COL5A2: variants seen among roughly 807,000 people sequenced by gnomAD.
COL5A2 encodes the protein collagen alpha-2(V) chain.
A neutral mutation model predicts 208.2 loss-of-function variants in COL5A2; 23 were observed. That is an observed-to-expected ratio of 0.11 (90% CI 0.08 to 0.16). The LOEUF is 0.16. Ranked by LOEUF, COL5A2 falls within the 10% of genes least tolerant of loss-of-function variation. The pLI is 1.00. For synonymous variants in COL5A2, 625 were observed against 628.5 expected (o/e 0.99, Z 0.08); for missense variants, 1,590 against 1,956.4 (o/e 0.81, Z 3.53).
At chr2:189,184,886 G>T (rs1430433027) in intron 1 of COL5A2, among the ~76,000 whole-genome samples, 1 of 152,138 alleles carries the variant, frequency 6.6e-6, no homozygotes, top group Non-Finnish European at 1.5e-5. Flanking sequence ...AGCCATTATG[G>T]CTAGCATGAT....
intron 29 of COL5A2, among the ~76,000 whole-genome samples, chr2:189,062,519 A>AGGT (rs1216087955): frequency 6.6e-6 from 1 of 152,098 alleles, no homozygotes; most frequent in Non-Finnish European, 1.5e-5. Context: ...TATTGAGAGA[A>AGGT]GGTAAATAAT....
Position 189,058,833 on chromosome 2 carries a change from A to C in COL5A2, c.2130+16T>G, listed in dbSNP as rs1288780458. ...CAGTGGGAAACAACATTAATCATGAAGATTAAAATACTTACTCTAGGTCCT... is the reference window on the plus strand; with the variant it reads ...CAGTGGGAAACAACATTAATCATGACGATTAAAATACTTACTCTAGGTCCT... On this transcript the variant is annotated intron_variant, in intron 32 of 53. Transcript: ENST00000374866. 2.5e-6 allele frequency: 4 copies of C among 1,608,486 alleles called. No individual in the cohort carries two copies. The Admixed American group carries it at 6.7e-5, about 27-fold the overall frequency.
At chr2:189,148,375 T>A in intron 1 of COL5A2, among the ~76,000 whole-genome samples, 1 of 150,498 alleles carries the variant, frequency 6.6e-6, no homozygotes, top group Non-Finnish European at 1.5e-5. Context: ...CACATAGAGG[T>A]GGAAAGAATC....
At chr2:189,174,435 A>C (rs1688638812) in intron 1 of COL5A2, among the ~76,000 whole-genome samples, 2 of 152,216 alleles carry the variant, frequency 1.3e-5, no homozygotes, top group South Asian at 4.1e-4. Flanking sequence ...TACAAACTTC[A>C]ACTAAGCAGC....
chr2:189,279,277 T>G, the COL5A2 span, among the ~76,000 whole-genome samples: 1 of 151,750 alleles, frequency 6.6e-6, no homozygotes, highest in Admixed American at 6.6e-5. Context: ...ATAAAAGGAA[T>G]GGCAATAATT....
At chr2:189,194,141 T>C (rs551993588) in intron 1 of COL5A2, among the ~76,000 whole-genome samples, 24 of 152,306 alleles carry the variant, frequency 1.6e-4, no homozygotes, top group South Asian at 1.2e-3. Context: ...AAAAAGTTAT[T>C]TGGGGTCCTC....
the COL5A2 span, among the ~76,000 whole-genome samples, chr2:189,316,698 T>C: frequency 2.0e-5 from 3 of 151,734 alleles, no homozygotes; most frequent in Admixed American, 1.3e-4. Context: ...ATGACACAAG[T>C]TCACCTGTAT....
At chr2:189,154,004 A>G (rs1688196567) in intron 1 of COL5A2, among the ~76,000 whole-genome samples, 1 of 152,150 alleles carries the variant, frequency 6.6e-6, no homozygotes, top group East Asian at 1.9e-4. Context: ...TACTGACTGC[A>G]AACTCTGGCA....
the COL5A2 span, among the ~76,000 whole-genome samples, chr2:189,259,896 G>A: frequency 6.6e-6 from 1 of 152,108 alleles, no homozygotes; most frequent in Non-Finnish European, 1.5e-5. Flanking sequence ...ATATACAAGG[G>A]CCACAAGACC....
Position 189,189,792 on chromosome 2 carries a change from C to A in COL5A2, c.-42+35356G>T, listed in dbSNP as rs573138900. Reference sequence around the variant, plus strand: ...AAATACGCATTAAGAAAATCTCTGACCACAGCAATTGAAGTCTTAATTATA... The same window carrying A: ...AAATACGCATTAAGAAAATCTCTGAACACAGCAATTGAAGTCTTAATTATA... On this transcript the variant is annotated intron_variant, in intron 1 of 10. Coordinates refer to the COL5A2 transcript ENST00000649966. Among the ~76,000 whole-genome samples, 12 of 152,196 alleles carry A rather than the reference C, an allele frequency of 7.9e-5. No homozygotes were observed. In the South Asian group the frequency reaches 2.1e-3, roughly 26 times the overall value.
chr2:189,186,519 G>A (rs957735672), intron 1 of COL5A2, among the ~76,000 whole-genome samples: 1 of 151,892 alleles, frequency 6.6e-6, no homozygotes, highest in African/African-American at 2.4e-5. Context: ...CGTATTCTAC[G>A]GATGAGGAAG....
chr2:189,410,187 T>G, the COL5A2 span, among the ~76,000 whole-genome samples: 5 of 152,226 alleles, frequency 3.3e-5, no homozygotes, highest in Admixed American at 2.6e-4. Flanking sequence ...ATATACACTT[T>G]GAAATCTGTT....
intron 16 of COL5A2, among the ~76,000 whole-genome samples, chr2:189,076,539 T>G (rs1686408755): frequency 2.0e-5 from 3 of 152,188 alleles, no homozygotes; most frequent in Admixed American, 2.0e-4. Flanking sequence ...AGAAAGACAC[T>G]AAAAGGCTGA....
chr2:189,199,870 T>C (rs1689049770), intron 1 of COL5A2, among the ~76,000 whole-genome samples: 1 of 152,246 alleles, frequency 6.6e-6, no homozygotes, highest in East Asian at 1.9e-4. Context: ...TACATCACTA[T>C]ATCCTACAAG....
chr2:189,106,797 C>G (rs968397688), intron 2 of COL5A2, among the ~76,000 whole-genome samples: 1 of 151,268 alleles, frequency 6.6e-6, no homozygotes, highest in African/African-American at 2.4e-5. Flanking sequence ...AAAGTATTTA[C>G]TGATCATTGT....
chr2:189,356,103 A>C, the COL5A2 span, among the ~76,000 whole-genome samples: 11 of 151,998 alleles, frequency 7.2e-5, no homozygotes, highest in African/African-American at 2.7e-4. Flanking sequence ...ACTGATCCCC[A>C]CTCTCTTCTG....
the COL5A2 span, among the ~76,000 whole-genome samples, chr2:189,420,830 T>G: frequency 1.3e-5 from 2 of 152,140 alleles, no homozygotes; most frequent in Non-Finnish European, 2.9e-5. Flanking sequence ...AAATCTCTTG[T>G]CCTCGCCACC....
At position 189,054,168 on chromosome 2, in the gene COL5A2, A is replaced by C; in HGVS notation, c.2436T>G (p.Thr812=). The change falls in exon 36 of 54, where the codon ACT becomes ACG. Residue 812 remains threonine, a synonymous_variant. Coordinates refer to ENST00000374866, the MANE Select transcript of COL5A2 (RefSeq NM_000393.5). The stretch of plus-strand genomic sequence containing the variant: ...ACAACTTGTGACTTACCTTTTCTCC[A>C]GTAGGACCTGCCGGACCTGGAGGGC... ...PLGPPGPAGP[T]GEKGEPGPRG... 6.2e-7 allele frequency: 1 copy of C among 1,614,042 alleles called. No individual in the cohort carries two copies. Among genetic ancestry groups the C allele is most frequent in the Non-Finnish European group, 8.5e-7 (1 of 1,179,888 alleles).
At position 189,097,286 on chromosome 2, in the gene COL5A2, T is replaced by C; in HGVS notation, c.447A>G (p.Lys149=). The change falls in exon 6 of 54, where the codon AAA becomes AAG. Residue 149 remains lysine, a synonymous_variant. Transcript: ENST00000374866. Reference sequence around the variant, plus strand: ...CCTCCTGTCAACTTACAGGTCTTCCTTTTGGCCCTCGCTCTCCTCTTGGTC... The same window carrying C: ...CCTCCTGTCAACTTACAGGTCTTCCCTTTGGCCCTCGCTCTCCTCTTGGTC... ...SQGPRGERGP[K]GRPGPRGPQG... The C allele has an allele frequency of 6.2e-7, 1 of 1,614,092 alleles. No homozygotes were observed. Among genetic ancestry groups the C allele is most frequent in the Non-Finnish European group, 8.5e-7 (1 of 1,179,990 alleles).
Sources: gnomAD v4.1 joint callset for allele counts (sites outside exome capture counted in the v4.1 genomes callset) on GRCh38, gnomAD v4.1.1 for gene constraint, MANE v1.5 for transcripts, NCBI Gene and HGNC (gene_info 2026-07-23, HGNC 2026-07-21) for gene names.